Variants in GNAO1 observed in about 807,000 individuals in gnomAD.
GNAO1 encodes guanine nucleotide-binding protein G(o) subunit alpha.
For missense variants in GNAO1, 166 were observed against 478.7 expected (o/e 0.35, Z 6.10); for synonymous variants, 164 against 180.7 (o/e 0.91, Z 0.74).
At chr16:56,346,503 G>A (rs933574432) in intron 6 of GNAO1, 31 of 985,380 alleles carry the variant, frequency 3.1e-5, no homozygotes, top group African/African-American at 2.1e-4. Flanking sequence ...GACCTGCGCC[G>A]CTGACCATCC....
chr16:56,234,898 G>T (rs544801420), intron 2 of GNAO1: 91 of 179,880 alleles, frequency 5.1e-4, no homozygotes, highest in Middle Eastern at 5.3e-3. Flanking sequence ...CTTTGGGGGT[G>T]GGCAGTGTGT....
At chr16:56,213,553 A>G in intron 2 of GNAO1, 2 of 388,350 alleles carry the variant, frequency 5.1e-6, no homozygotes, top group Admixed American at 8.9e-5. Context: ...CCATGTTGTC[A>G]AGGCTGGTTT....
chr16:56,219,255 T>G (rs897767363), intron 2 of GNAO1, among the ~76,000 whole-genome samples: 1 of 152,216 alleles, frequency 6.6e-6, no homozygotes, highest in Non-Finnish European at 1.5e-5. Flanking sequence ...TCTGCTATTG[T>G]TAACCCTTCC....
chr16:56,303,638 G>A (rs564105018), intron 3 of GNAO1, among the ~76,000 whole-genome samples: 84 of 152,318 alleles, frequency 5.5e-4, no homozygotes, highest in African/African-American at 1.9e-3. Flanking sequence ...CCTTGACAAA[G>A]CATCACAAAG....
intron 2 of GNAO1, 65 bp from the exon 3 acceptor site, chr16:56,275,866 C>T: frequency 6.9e-7 from 1 of 1,441,232 alleles, no homozygotes; most frequent in Non-Finnish European, 9.3e-7. Flanking sequence ...CGTCTCATGC[C>T]TGTGCTCTCT....
At position 56,344,407 on chromosome 16, in the gene GNAO1, G is replaced by A. The variant is rs1241203746; in HGVS notation, c.724-6977G>A. 5.9e-6 allele frequency: 6 copies of A among 1,011,856 alleles called. No homozygotes were observed. The Admixed American group carries it at 2.6e-4, about 43-fold the overall frequency. The allele number at this position is 1,011,856 out of a possible 1,614,324, so 62.7% of individuals were successfully genotyped here. On this transcript the variant is annotated intron_variant, in intron 6 of 8. Coordinates refer to ENST00000262493, the MANE Select transcript of GNAO1 (RefSeq NM_020988.3). The stretch of plus-strand genomic sequence containing the variant: ...AGCTTTGCCTGGGGTCTCTGGTGGA[G>A]GGCAGTTCCGTCAACAAAAGCCAGG...
In GNAO1 at chr16:56,351,761, TG is replaced by T; in HGVS notation, c.877+225del. On this transcript the variant is annotated intron_variant, in intron 7 of 8. Transcript: ENST00000262493. The surrounding 1 kb of genome is among the most constrained non-coding windows in gnomAD (Gnocchi z 6.1). The stretch of plus-strand genomic sequence containing the variant: ...GAAATGGCCCCTCCTAAGATATATG[TG>T]TTAGGACCAAGTGACTCAGGAGTGG... The T allele has an allele frequency of 3.8e-6, 2 of 529,062 alleles. No homozygotes were observed. The highest frequency in any genetic ancestry group is 4.6e-5 in the South Asian group (2 of 43,766). 32.8% of individuals were successfully genotyped at this position (529,062 alleles called of 1,614,324 possible). A position where few individuals can be genotyped will look rare whatever the true frequency, so the allele number is the denominator to read the frequency against.
At chr16:56,318,447 CG>C (rs1176370091) in intron 3 of GNAO1, among the ~76,000 whole-genome samples, 1 of 152,320 alleles carries the variant, frequency 6.6e-6, no homozygotes, top group Non-Finnish European at 1.5e-5. Flanking sequence ...TCTGGCTCGG[CG>C]GGTCCAGCTC....
At chr16:56,310,124 TAGTG>T (rs1191160902) in intron 3 of GNAO1, among the ~76,000 whole-genome samples, 2 of 150,764 alleles carry the variant, frequency 1.3e-5, no homozygotes, top group East Asian at 3.9e-4. Context: ...GTGGGCAACA[TAGTG>T]AGACCCCATT....
chr16:56,203,998 T>C lies in GNAO1; in HGVS notation c.161+11382T>C, dbSNP rs138334635. Among the ~76,000 whole-genome samples, 498 of 152,282 alleles carry C rather than the reference T, an allele frequency of 3.3e-3. 3 individuals are homozygous for C. The highest frequency in any genetic ancestry group is 0.012 in the African/African-American group (478 of 41,550). ...ACCAGTAGGAGGCCAGAGATGAGGC[T>C]TTAGAGCAAAGAGATTTCTGTAGTC... On this transcript the variant is annotated intron_variant, in intron 2 of 8. Coordinates refer to ENST00000262493, the MANE Select transcript of GNAO1 (RefSeq NM_020988.3).
chr16:56,216,380 C>G (rs2036437222), intron 2 of GNAO1, among the ~76,000 whole-genome samples: 1 of 152,136 alleles, frequency 6.6e-6, no homozygotes, highest in Non-Finnish European at 1.5e-5. Flanking sequence ...GTATTTGAAC[C>G]CTTAAAAGTC....
At chr16:56,270,716 C>A (rs1014014237) in intron 2 of GNAO1, 3 of 152,048 alleles carry the variant, frequency 2.0e-5, no homozygotes, top group Non-Finnish European at 4.4e-5. Flanking sequence ...AAATATGTAC[C>A]TTTTAGTCAT....
chr16:56,233,821 G>A (rs1237502049), intron 2 of GNAO1, among the ~76,000 whole-genome samples: 5 of 152,176 alleles, frequency 3.3e-5, no homozygotes, highest in African/African-American at 1.2e-4. Flanking sequence ...GTTCCCCAAA[G>A]GCTCCATGCC....
In GNAO1 at chr16:56,192,323, G is replaced by A; in HGVS notation, c.88G>A (p.Ala30Thr). 1 of 1,608,114 alleles carries A rather than the reference G, an allele frequency of 6.2e-7. No homozygotes were observed. The highest frequency in any genetic ancestry group is 8.5e-7 in the Non-Finnish European group (1 of 1,175,598). Residue 30 changes from alanine to threonine, a missense_variant, in exon 1 of 9, where the codon GCC (alanine) becomes ACC (threonine). Transcript: ENST00000262493. ...EKNLKEDGIS[A>T]AKDVKLLLLG... ...AAACCTCAAAGAGGATGGCATCAGCGCCGCCAAAGACGTGAAATTACTCCT... is the reference window on the plus strand; with the variant it reads ...AAACCTCAAAGAGGATGGCATCAGCACCGCCAAAGACGTGAAATTACTCCT...
At chr16:56,263,944 G>A (rs1398814707) in intron 2 of GNAO1, among the ~76,000 whole-genome samples, 1 of 152,226 alleles carries the variant, frequency 6.6e-6, no homozygotes, top group Non-Finnish European at 1.5e-5. Flanking sequence ...TCTCCTGAGT[G>A]ATGAAATTGG....
intron 3 of GNAO1, among the ~76,000 whole-genome samples, chr16:56,315,452 T>C (rs569025122): frequency 1.3e-5 from 2 of 152,262 alleles, no homozygotes; most frequent in East Asian, 3.9e-4. Context: ...GATTTGGAAA[T>C]TTCTGTCCCA....
chr16:56,300,010 T>TGTGTGTGTGTGTGG (rs1200334103), intron 3 of GNAO1, among the ~76,000 whole-genome samples: 2 of 128,028 alleles, frequency 1.6e-5, no homozygotes, highest in Non-Finnish European at 3.2e-5. Context: ...TTGGGGTTCG[T>TGTGTGTGTGTGTGG]GTGTGTGTGT....
intron 2 of GNAO1, among the ~76,000 whole-genome samples, chr16:56,233,712 C>T (rs2036612037): frequency 6.6e-6 from 1 of 152,214 alleles, no homozygotes; most frequent in South Asian, 2.1e-4. Context: ...CCCTTGGAGC[C>T]TCCCAGCGAA....
chr16:56,196,919 A>T (rs1393637474), intron 2 of GNAO1, among the ~76,000 whole-genome samples: 1 of 152,244 alleles, frequency 6.6e-6, no homozygotes, highest in East Asian at 1.9e-4. Flanking sequence ...CTACCCTGTC[A>T]GGAAAGGCTG....
Sources: allele counts gnomAD v4.1 joint callset (sites outside exome capture counted in the v4.1 genomes callset), GRCh38; gene constraint gnomAD v4.1.1; non-coding constraint Gnocchi (gnomAD v3.1); transcripts MANE v1.5; gene names NCBI Gene and HGNC (gene_info 2026-07-23, HGNC 2026-07-21).